Variants in SDK1 observed in about 807,000 individuals in gnomAD.
SDK1 encodes the protein protein sidekick-1.
In SDK1, 157 loss-of-function variants were observed where a neutral mutation model predicts 245.5. The observed-to-expected ratio is 0.64, with a 90% CI of 0.56 to 0.73. The LOEUF is 0.73. Among genes scored for constraint, SDK1 ranks in the 30% least tolerant of loss-of-function variants. The probability of loss-of-function intolerance (pLI) is 0.00; values close to 1 mark genes in which losing one functional copy is unlikely to be tolerated. For missense variants in SDK1, 3,583 were observed against 3,002.3 expected (o/e 1.19, Z -4.52); for synonymous variants, 1,647 against 1,278.5 (o/e 1.29, Z -6.15).
chr7:3,800,278 T>G (rs1032812710), intron 4 of SDK1, among the ~76,000 whole-genome samples: 3 of 152,302 alleles, frequency 2.0e-5, no homozygotes, highest in South Asian at 2.1e-4. Flanking sequence ...TGTAAGGATC[T>G]TAGTTCCCAT....
At chr7:3,772,048 A>G (rs1780419823) in intron 4 of SDK1, among the ~76,000 whole-genome samples, 1 of 152,292 alleles carries the variant, frequency 6.6e-6, no homozygotes, top group Admixed American at 6.5e-5. Flanking sequence ...ACCTAATGTA[A>G]TGTCCTCAAA....
chr7:3,794,671 C>A (rs556500541), intron 4 of SDK1, among the ~76,000 whole-genome samples: 1 of 152,168 alleles, frequency 6.6e-6, no homozygotes, highest in African/African-American at 2.4e-5. Context: ...CAAGAAGGCC[C>A]TCCCCAGATA....
intron 1 of SDK1, among the ~76,000 whole-genome samples, chr7:3,563,808 G>A (rs553689214): frequency 2.6e-5 from 4 of 152,068 alleles, no homozygotes; most frequent in Admixed American, 6.5e-5. Context: ...CATATAAGAA[G>A]CCTCAATTTC....
chr7:4,103,267 T>TGG (rs1225090682), intron 22 of SDK1, among the ~76,000 whole-genome samples: 1 of 150,498 alleles, frequency 6.6e-6, no homozygotes, highest in African/African-American at 2.4e-5. Context: ...CCCAAAGTGC[T>TGG]GGGATTACAG....
chr7:3,837,383 C>G (rs1780051623), intron 5 of SDK1, among the ~76,000 whole-genome samples: 1 of 152,168 alleles, frequency 6.6e-6, no homozygotes, highest in South Asian at 2.1e-4. Context: ...ACCCCTTTCC[C>G]CAGTTTAAAC....
At chr7:3,609,453 CGCAGT>C (rs968430612) in intron 1 of SDK1, among the ~76,000 whole-genome samples, 4 of 151,964 alleles carry the variant, frequency 2.6e-5, no homozygotes, top group African/African-American at 9.7e-5. Flanking sequence ...CAGGCTGGAG[CGCAGT>C]GGTGTGATCT....
intron 4 of SDK1, among the ~76,000 whole-genome samples, chr7:3,660,845 C>T (rs1192695876): frequency 2.0e-5 from 3 of 152,332 alleles, no homozygotes; most frequent in Admixed American, 6.5e-5. Context: ...ATCTTTTCTT[C>T]TTCAATCTAG....
At chr7:3,324,276 C>T (rs765224705) in intron 1 of SDK1, among the ~76,000 whole-genome samples, 14 of 152,096 alleles carry the variant, frequency 9.2e-5, no homozygotes, top group Non-Finnish European at 1.6e-4. Context: ...GAAAGGAAGA[C>T]AAATAGTATA....
At chr7:3,774,072 AG>A (rs1780481811) in intron 4 of SDK1, among the ~76,000 whole-genome samples, 2 of 152,050 alleles carry the variant, frequency 1.3e-5, no homozygotes, top group Non-Finnish European at 2.9e-5. Context: ...AAAATTAGCC[AG>A]GCATGGTGGC....
intron 4 of SDK1, among the ~76,000 whole-genome samples, chr7:3,658,818 A>G (rs1163026662): frequency 6.6e-6 from 1 of 152,088 alleles, no homozygotes; most frequent in African/African-American, 2.4e-5. Context: ...TGGTTTCGCC[A>G]TGTTGGCCAG....
At chr7:3,644,463 G>A (rs1782757762) in intron 4 of SDK1, among the ~76,000 whole-genome samples, 1 of 151,576 alleles carries the variant, frequency 6.6e-6, no homozygotes, top group African/African-American at 2.4e-5. Context: ...AGACTGTTAG[G>A]CTTTAAAAAG....
intron 2 of SDK1, 110 bp downstream of exon 2, chr7:3,619,349 A>G: frequency 1.2e-6 from 1 of 867,770 alleles, no homozygotes; most frequent in Admixed American, 2.3e-5. Flanking sequence ...TGAATTTCTA[A>G]TGCATTCAAG....
chr7:3,478,365 A>T (rs991714283), intron 1 of SDK1, among the ~76,000 whole-genome samples: 2 of 152,118 alleles, frequency 1.3e-5, no homozygotes, highest in Non-Finnish European at 2.9e-5. Flanking sequence ...GGCATAATAT[A>T]TTATTAGTGC....
intron 4 of SDK1, among the ~76,000 whole-genome samples, chr7:3,810,955 A>G (rs776986902): frequency 6.6e-6 from 1 of 152,296 alleles, no homozygotes. Flanking sequence ...CTCTAATGTG[A>G]TAATTCAGTG....
intron 4 of SDK1, among the ~76,000 whole-genome samples, chr7:3,784,721 C>A (rs896625422): frequency 6.6e-6 from 1 of 152,070 alleles, no homozygotes; most frequent in African/African-American, 2.4e-5. Flanking sequence ...CATGTGTTGG[C>A]CAGGATGTGA....
At chr7:4,095,729 C>G (rs1472145707) in intron 22 of SDK1, among the ~76,000 whole-genome samples, 1 of 152,166 alleles carries the variant, frequency 6.6e-6, no homozygotes, top group Non-Finnish European at 1.5e-5. Flanking sequence ...CTCGCCACCA[C>G]ACCTGGCTAA....
intron 4 of SDK1, among the ~76,000 whole-genome samples, chr7:3,730,883 TGC>T (rs900692102): frequency 9.9e-5 from 15 of 152,128 alleles, no homozygotes; most frequent in Admixed American, 8.5e-4. Context: ...GAGACCCTTT[TGC>T]ATCTTTGCCA....
intron 5 of SDK1, among the ~76,000 whole-genome samples, chr7:3,908,299 C>G (rs1373143334): frequency 6.6e-6 from 1 of 152,138 alleles, no homozygotes; most frequent in African/African-American, 2.4e-5. Flanking sequence ...ATTCATTGCA[C>G]AAATGCAAGT....
At chr7:3,385,408 AT>A (rs1341989702) in intron 1 of SDK1, among the ~76,000 whole-genome samples, 1 of 152,092 alleles carries the variant, frequency 6.6e-6, no homozygotes, top group Non-Finnish European at 1.5e-5. Context: ...GAAGATACTA[AT>A]TTTCATAAGT....
Sources: gnomAD v4.1 joint callset for allele counts (sites outside exome capture counted in the v4.1 genomes callset) on GRCh38, gnomAD v4.1.1 for gene constraint, MANE v1.5 for transcripts, NCBI Gene and HGNC (gene_info 2026-07-23, HGNC 2026-07-21) for gene names.